Variants in PJA2 observed in about 807,000 individuals in gnomAD.
PJA2 encodes praja ring finger ubiquitin ligase 2, also known as E3 ubiquitin-protein ligase Praja-2.
A neutral mutation model predicts 69.3 loss-of-function variants in PJA2; 25 were observed. The ratio of observed to expected loss-of-function variants is 0.36; its 90% CI spans 0.26 to 0.50. The LOEUF (loss-of-function observed/expected upper bound fraction) is 0.50. PJA2 is among the 20% of genes least tolerant of loss of function. The probability of loss-of-function intolerance (pLI) is 0.96; values close to 1 mark genes in which losing one functional copy is unlikely to be tolerated. For synonymous variants in PJA2, 308 were observed against 277.8 expected (o/e 1.11, Z -1.08); for missense variants, 809 against 830.2 (o/e 0.97, Z 0.31).
At chr5:109,404,213 T>A (rs140456960) in intron 1 of PJA2, among the ~76,000 whole-genome samples, 96 of 152,100 alleles carry the variant, frequency 6.3e-4, no homozygotes, top group African/African-American at 1.9e-3. Flanking sequence ...CTGAAGTGGC[T>A]TATAAACAAC....
chr5:109,390,115 A>G (rs1471488630), intron 1 of PJA2, among the ~76,000 whole-genome samples: 1 of 152,074 alleles, frequency 6.6e-6, no homozygotes, highest in Non-Finnish European at 1.5e-5. Flanking sequence ...TTGATTAATC[A>G]TACCATTCAA....
At chr5:109,366,974 A>G (rs1762593762) in intron 5 of PJA2, among the ~76,000 whole-genome samples, 1 of 151,792 alleles carries the variant, frequency 6.6e-6, no homozygotes, top group Admixed American at 6.6e-5. Context: ...TCTACTAAAT[A>G]TACAAAAATT....
chr5:109,391,745 C>A (rs1434796611), intron 1 of PJA2, among the ~76,000 whole-genome samples: 1 of 152,006 alleles, frequency 6.6e-6, no homozygotes, highest in Non-Finnish European at 1.5e-5. Context: ...AAGTAAAGTT[C>A]TATAGTGATA....
chr5:109,405,401 T>C (rs1747661618), intron 1 of PJA2, among the ~76,000 whole-genome samples: 2 of 152,174 alleles, frequency 1.3e-5, no homozygotes, highest in Non-Finnish European at 2.9e-5. Context: ...TCAGGTCTTT[T>C]TGTAGAAACC....
At chr5:109,342,067 G>A (rs1390915384) in intron 9 of PJA2, among the ~76,000 whole-genome samples, 775 of 126,416 alleles carry the variant, frequency 6.1e-3, no homozygotes, top group Admixed American at 0.019. Flanking sequence ...TCAGCCCTCC[G>A]CCCGGCCAGC....
intron 7 of PJA2, among the ~76,000 whole-genome samples, chr5:109,347,107 G>A (rs60539578): frequency 0.069 from 10,501 of 152,222 alleles, 1,170 homozygotes; most frequent in African/African-American, 0.24. Flanking sequence ...GGTTCACAAA[G>A]AGTTAATAAA....
At chr5:109,352,969 TATATTA>T (rs1191841192) in intron 7 of PJA2, among the ~76,000 whole-genome samples, 15 of 35,860 alleles carry the variant, frequency 4.2e-4, no homozygotes, top group African/African-American at 2.4e-3. Context: ...TAGACATCTA[TATATTA>T]GATACCTATA....
At position 109,362,975 on chromosome 5, in the gene PJA2, T is replaced by C. The variant is rs139750867; in HGVS notation, c.1517A>G (p.Asn506Ser). ...ATCACTGCTGCTTTCATTGACTTCA[T>C]TGTACTGTAACCAAGGAATTTCTCC... ...EEGEIPWLQY[N>S]EVNESSSDEG... The change falls in exon 6 of 10, where the codon AAT becomes AGT. Residue 506 changes from asparagine to serine, a missense_variant. Physicochemically the swap from Asn to Ser is conservative, Grantham distance 46. Coordinates refer to ENST00000361189, the MANE Select transcript of PJA2 (RefSeq NM_014819.5). 106 of 1,612,088 alleles carry C rather than the reference T, an allele frequency of 6.6e-5. No individual in the cohort carries two copies. The highest frequency in any genetic ancestry group is 5.0e-4 in the Middle Eastern group (3 of 6,056).
chr5:109,370,395 A>T (rs1268559019), intron 4 of PJA2, among the ~76,000 whole-genome samples: 1 of 152,244 alleles, frequency 6.6e-6, no homozygotes, highest in South Asian at 2.1e-4. Flanking sequence ...GATGCACTCA[A>T]AAGATCAAGA....
chr5:109,348,378 C>T (rs1188738054), intron 7 of PJA2, among the ~76,000 whole-genome samples: 4 of 152,084 alleles, frequency 2.6e-5, no homozygotes, highest in African/African-American at 9.7e-5. Flanking sequence ...GTGTGGATTG[C>T]TAAATGAAAA....
intron 3 of PJA2, among the ~76,000 whole-genome samples, chr5:109,379,535 A>G (rs777929019): frequency 5.9e-5 from 9 of 152,242 alleles, no homozygotes; most frequent in Admixed American, 2.0e-4. Flanking sequence ...CAAGACATAT[A>G]AAGGAGAAGC....
intron 6 of PJA2, among the ~76,000 whole-genome samples, chr5:109,359,129 T>G (rs545735381): frequency 6.6e-6 from 1 of 152,356 alleles, no homozygotes; most frequent in African/African-American, 2.4e-5. Flanking sequence ...ATCTTTATGA[T>G]GATCTACTTC....
chr5:109,369,957 G>C (rs1296303331), intron 4 of PJA2, among the ~76,000 whole-genome samples: 3 of 151,528 alleles, frequency 2.0e-5, no homozygotes, highest in East Asian at 1.9e-4. Flanking sequence ...GCTTGAACTT[G>C]GGAGGTGGAG....
chr5:109,353,450 AT>A (rs1762312978), intron 7 of PJA2, among the ~76,000 whole-genome samples: 4 of 65,262 alleles, frequency 6.1e-5, no homozygotes, highest in Non-Finnish European at 1.2e-4. Flanking sequence ...ATAGATATCT[AT>A]ATATTAGATA....
chr5:109,342,690 G>A (rs1230811243), intron 9 of PJA2, among the ~76,000 whole-genome samples: 3 of 133,294 alleles, frequency 2.3e-5, no homozygotes, highest in Admixed American at 7.0e-5. Flanking sequence ...CGCCCCGTCC[G>A]GGAGGGAGGT....
chr5:109,347,070 C>G (rs1293974865), intron 7 of PJA2, among the ~76,000 whole-genome samples: 1 of 152,080 alleles, frequency 6.6e-6, no homozygotes, highest in Non-Finnish European at 1.5e-5. Flanking sequence ...AAAGCAAAAT[C>G]AGGACTAAAA....
rs778838938 is a variant in PJA2, at chr5:109,379,085, G to A, written c.402C>T (p.Ser134=). ...CAGAGTGATTATGAAGATTTGTACT[G>A]CTTCCTAAGGTATCCCTGCCTTCCT... ...HSEEGRDTLG[S]STNLHNHSEG... is the part of the protein sequence containing the mutation. Residue 134 remains serine, a synonymous_variant, in exon 4 of 10, where the codon AGC becomes AGT. Transcript: ENST00000361189. 1 of 1,614,040 alleles carries A rather than the reference G, an allele frequency of 6.2e-7. No individual in the cohort carries two copies. Among genetic ancestry groups the A allele is most frequent in the South Asian group, 1.1e-5 (1 of 91,068 alleles).
chr5:109,346,560 G>A (rs1762175389), intron 7 of PJA2, among the ~76,000 whole-genome samples: 1 of 152,214 alleles, frequency 6.6e-6, no homozygotes, highest in South Asian at 2.1e-4. Context: ...CACATACAGT[G>A]AAATATTACT....
intron 1 of PJA2, among the ~76,000 whole-genome samples, chr5:109,389,116 G>A (rs532051143): frequency 3.0e-4 from 46 of 152,124 alleles, no homozygotes; most frequent in Non-Finnish European, 5.3e-4. Context: ...AAATAGTCTC[G>A]TCATGCTTTT....
Sources: gnomAD v4.1 joint callset for allele counts (sites outside exome capture counted in the v4.1 genomes callset) on GRCh38, gnomAD v4.1.1 for gene constraint, MANE v1.5 for transcripts, NCBI Gene and HGNC (gene_info 2026-07-23, HGNC 2026-07-21) for gene names.